Variants in GCSAML observed in about 807,000 individuals in gnomAD.
GCSAML encodes germinal center-associated signaling and motility-like protein.
Under a neutral mutation model 13.0 loss-of-function variants are expected in GCSAML, and 9 were observed. That is an observed-to-expected ratio of 0.69 (90% CI 0.42 to 1.21). GCSAML has a LOEUF of 1.21. GCSAML is among the 50% of genes most tolerant of loss of function. GCSAML has a pLI of 0.00. For synonymous variants in GCSAML, 37 were observed against 52.9 expected (o/e 0.70, Z 1.31); for missense variants, 143 against 153.4 (o/e 0.93, Z 0.36).
At position 247,574,249 on chromosome 1, in the gene GCSAML, T is replaced by C. The variant is rs541252771; in HGVS notation, c.275T>C (p.Ile92Thr). 2.5e-6 allele frequency: 4 copies of C among 1,614,080 alleles called. No homozygotes were observed. In the East Asian group the frequency reaches 6.7e-5, roughly 27 times the overall value. Reference protein sequence around the residue: ...LSSNDDGYENIDSLTRKVRQF... With the variant: ...LSSNDDGYENTDSLTRKVRQF... ...TCCAATGATGATGGCTATGAGAACA[T>C]TGACTCCCTCACAAGGAAAGTGAGA... Residue 92 changes from isoleucine to threonine, a missense_variant, in exon 5 of 5, where the codon ATT (isoleucine) becomes ACT (threonine). Coordinates refer to ENST00000366488, the MANE Select transcript of GCSAML (RefSeq NM_145278.5).
upstream of GCSAML, among the ~76,000 whole-genome samples, chr1:247,547,716 C>A (rs1053227038): frequency 6.6e-6 from 1 of 152,172 alleles, no homozygotes; most frequent in Non-Finnish European, 1.5e-5. Context: ...GCGGAACACG[C>A]TTCTTAGTGC....
In GCSAML at chr1:247,508,216, A is replaced by G. The variant is rs547446618; in HGVS notation, c.-263+983A>G. Among the ~76,000 whole-genome samples the G allele has an allele frequency of 2.0e-5, 3 of 152,298 alleles. No homozygotes were observed. The South Asian group carries it at 6.2e-4, about 32-fold the overall frequency. Reference sequence around the variant, plus strand: ...TTTAATGATTGCCATTCTAAGTGGCATGAGATGGTATCTCATTGTGGTTTT... The same window carrying G: ...TTTAATGATTGCCATTCTAAGTGGCGTGAGATGGTATCTCATTGTGGTTTT... On this transcript the variant is annotated intron_variant, in intron 1 of 5. Coordinates refer to the GCSAML transcript ENST00000366489.
chr1:247,538,491 A>G (rs1257090708), intron 2 of GCSAML, among the ~76,000 whole-genome samples: 1 of 152,214 alleles, frequency 6.6e-6, no homozygotes, highest in Non-Finnish European at 1.5e-5. Flanking sequence ...TCATATGTTG[A>G]AACCATAACC....
At chr1:247,548,913 A>AT (rs755119729), upstream of GCSAML, 5 of 569,874 alleles carry the variant, frequency 8.8e-6, no homozygotes, top group Non-Finnish European at 1.4e-5. The surrounding 1 kb of genome is among the most constrained non-coding windows in gnomAD (Gnocchi z 5.3). Context: ...TTTCAGCCTG[A>AT]TTTTTTCCCA....
intron 4 of GCSAML, among the ~76,000 whole-genome samples, chr1:247,567,335 A>C (rs1026887774): frequency 5.3e-5 from 8 of 150,892 alleles, no homozygotes; most frequent in Admixed American, 1.3e-4. Flanking sequence ...CTTGCCCCCC[A>C]CACCCCAACA....
At chr1:247,531,705 A>G (rs1326986954) in intron 2 of GCSAML, 1 of 1,614,190 alleles carries the variant, frequency 6.2e-7, no homozygotes. Flanking sequence ...TGCCCTGCTC[A>G]TGGGAGGTGC....
intron 1 of GCSAML, among the ~76,000 whole-genome samples, chr1:247,515,156 A>T (rs1666168619): frequency 6.6e-6 from 1 of 152,198 alleles, no homozygotes; most frequent in African/African-American, 2.4e-5. Context: ...CCATTTGACC[A>T]TCATAGAACT....
chr1:247,512,001 G>A (rs559596225), intron 1 of GCSAML, among the ~76,000 whole-genome samples: 65 of 152,186 alleles, frequency 4.3e-4, no homozygotes, highest in Non-Finnish European at 7.5e-4. Context: ...TGCTCTTCTC[G>A]CGGAGTATCT....
intron 2 of GCSAML, chr1:247,538,549 G>C (rs555214423): frequency 3.6e-5 from 12 of 333,290 alleles, no homozygotes; most frequent in African/African-American, 2.6e-4. Flanking sequence ...GGATAATTAT[G>C]AGTAAATGAG....
At chr1:247,522,257 C>T (rs2103314858) in intron 1 of GCSAML, among the ~76,000 whole-genome samples, 1 of 119,390 alleles carries the variant, frequency 8.4e-6, no homozygotes, top group East Asian at 2.2e-4. Context: ...AGGTGGGGGG[C>T]AGCCCCCACC....
rs144796478 is a variant in GCSAML at position 247,532,686 on chromosome 1, T to C, written c.-148+5632T>C. ...TGTGTTGCCCGGGCTAACTTCAAAC[T>C]CTTGGGATCAAGCAATCCTCCCACC... On this transcript the variant is annotated intron_variant, in intron 2 of 5. Transcript: ENST00000366489. The C allele has an allele frequency of 1.4e-4, 92 of 644,832 alleles. No homozygotes were observed. In the East Asian group the frequency reaches 1.7e-3, roughly 12 times the overall value. The allele number at this position is 644,832 out of a possible 1,614,324, so 39.9% of individuals were successfully genotyped here. A position where few individuals can be genotyped will look rare whatever the true frequency, so the allele number is the denominator to read the frequency against.
chr1:247,549,000 CT>C, upstream of GCSAML: 1 of 1,497,760 alleles, frequency 6.7e-7, no homozygotes, highest in South Asian at 1.2e-5. This position sits in a 1 kb window ranked among gnomAD's most constrained non-coding sequence, Gnocchi z 5.3. Flanking sequence ...ATTTTCCTTT[CT>C]GCCTCCCCTT....
intron 1 of GCSAML, chr1:247,525,354 C>T (rs1666636708): frequency 6.6e-6 from 1 of 152,180 alleles, no homozygotes; most frequent in Non-Finnish European, 1.5e-5. Context: ...ATAAGACATC[C>T]CCGTTTCCAA....
chr1:247,543,762 C>T lies in GCSAML; in HGVS notation c.-147-5283C>T, dbSNP rs963527686. Among the ~76,000 whole-genome samples the T allele has an allele frequency of 2.0e-5, 3 of 152,054 alleles. No individual in the cohort carries two copies. The South Asian group carries it at 6.2e-4, about 31-fold the overall frequency. ...CCATAAGTTATTGGTAGTAACTTAT[C>T]AATTTCTGCAGGTTAACCTCTAATC... On this transcript the variant is annotated intron_variant, in intron 2 of 5. Transcript: ENST00000366489.
chr1:247,561,936 G>T (rs1375684813), intron 2 of GCSAML, among the ~76,000 whole-genome samples: 1 of 152,110 alleles, frequency 6.6e-6, no homozygotes, highest in Non-Finnish European at 1.5e-5. Context: ...GACCAAGGAG[G>T]CGTCTATTTG....
intron 2 of GCSAML, among the ~76,000 whole-genome samples, chr1:247,540,027 C>A (rs1667356965): frequency 6.6e-6 from 1 of 152,160 alleles, no homozygotes; most frequent in South Asian, 2.1e-4. Context: ...CTCTCACTTG[C>A]CATGCTGCTT....
chr1:247,511,191 T>C (rs1181432300), intron 1 of GCSAML, among the ~76,000 whole-genome samples: 2 of 152,208 alleles, frequency 1.3e-5, no homozygotes, highest in Non-Finnish European at 2.9e-5. Context: ...GCTTTATGAA[T>C]CTGGGCGCTC....
chr1:247,518,887 G>C (rs1456530271), intron 1 of GCSAML, among the ~76,000 whole-genome samples: 3 of 152,112 alleles, frequency 2.0e-5, no homozygotes, highest in Non-Finnish European at 4.4e-5. Context: ...TACTTGGGAG[G>C]CTGAAGCGGG....
Position 247,531,295 on chromosome 1 carries a change from A to G in GCSAML, c.-148+4241A>G, listed in dbSNP as rs1666941400. 1.4e-5 allele frequency: 7 copies of G among 497,984 alleles called. No homozygotes were observed. The East Asian group carries it at 2.4e-4, about 17-fold the overall frequency. The allele number at this position is 497,984 out of a possible 1,614,324, so 30.8% of individuals were successfully genotyped here. A position where few individuals can be genotyped will look rare whatever the true frequency, so the allele number is the denominator to read the frequency against. On this transcript the variant is annotated intron_variant, in intron 2 of 5. Coordinates refer to the GCSAML transcript ENST00000366489. ...AGCTGAACAACAACGCAAGGAGTTT[A>G]CAAAACAAGATGACAGTCAACATGT...
Sources: gnomAD v4.1 joint callset for allele counts (sites outside exome capture counted in the v4.1 genomes callset) on GRCh38, gnomAD v4.1.1 for gene constraint, Gnocchi (gnomAD v3.1) non-coding constraint, MANE v1.5 for transcripts, NCBI Gene and HGNC (gene_info 2026-07-23, HGNC 2026-07-21) for gene names.